The following CSGALNACT1 variants were observed in gnomAD, a reference collection of about 807,000 sequenced individuals.
The protein encoded by CSGALNACT1 is beta4GalNAcT-1.
A neutral mutation model predicts 51.0 loss-of-function variants in CSGALNACT1; 52 were observed. The observed-to-expected ratio is 1.02, with a 90% CI of 0.82 to 1.29. The LOEUF (loss-of-function observed/expected upper bound fraction) is 1.29. CSGALNACT1 is among the 50% of genes most tolerant of loss of function. The pLI, the probability that CSGALNACT1 is intolerant of heterozygous loss-of-function variation, is 0.00. For synonymous variants in CSGALNACT1, 341 were observed against 254.4 expected (o/e 1.34, Z -3.24); for missense variants, 935 against 679.2 (o/e 1.38, Z -4.19).
chr8:19,409,151 C>A (rs940651808), intron 8 of CSGALNACT1, among the ~76,000 whole-genome samples: 1 of 152,316 alleles, frequency 6.6e-6, no homozygotes, highest in South Asian at 2.1e-4. Context: ...TAGAGAACAA[C>A]TCAGAATTCA....
At chr8:19,575,546 T>C (rs979100430) in intron 3 of CSGALNACT1, among the ~76,000 whole-genome samples, 3 of 152,168 alleles carry the variant, frequency 2.0e-5, no homozygotes, top group African/African-American at 7.2e-5. Context: ...TGCTCCTCCA[T>C]CAAACAAACA....
intron 1 of CSGALNACT1, among the ~76,000 whole-genome samples, chr8:19,633,384 C>CGAAT (rs1442215880): frequency 4.6e-5 from 7 of 152,052 alleles, no homozygotes; most frequent in African/African-American, 1.7e-4. Context: ...AATTAAGGGC[C>CGAAT]GAATGGTGGT....
intron 1 of CSGALNACT1, among the ~76,000 whole-genome samples, chr8:19,747,168 C>T (rs1315397876): frequency 7.9e-5 from 12 of 151,970 alleles, no homozygotes; most frequent in African/African-American, 1.5e-4. Flanking sequence ...CATCTTGAGA[C>T]GACAGGGGAA....
In CSGALNACT1 at chr8:19,476,597, C is replaced by T. The variant is rs374358684; in HGVS notation, c.635-17955G>A. 9.2e-5 allele frequency among the ~76,000 whole-genome samples: 14 copies of T among 152,196 alleles called. No homozygotes were observed. In the East Asian group the frequency reaches 2.3e-3, roughly 25 times the overall value. On this transcript the variant is annotated intron_variant, in intron 4 of 9. Coordinates refer to ENST00000454498, the Ensembl canonical transcript of CSGALNACT1. ...ACGCCCAAATTCTTTGGCAATGTCCCCTCCTCTTGAATCACAGGGGCCTAT... is the reference window on the plus strand; with the variant it reads ...ACGCCCAAATTCTTTGGCAATGTCCTCTCCTCTTGAATCACAGGGGCCTAT...
At chr8:19,609,946 C>A (rs1308314002) in intron 1 of CSGALNACT1, among the ~76,000 whole-genome samples, 1 of 151,956 alleles carries the variant, frequency 6.6e-6, no homozygotes, top group African/African-American at 2.4e-5. Flanking sequence ...AGAGGCCGGG[C>A]ACGGTGGCTC....
rs185374111 is a variant in CSGALNACT1, at chr8:19,622,571, G to C, written c.-543-20706C>G. Among the ~76,000 whole-genome samples, 15 of 152,296 alleles carry C rather than the reference G, an allele frequency of 9.8e-5. No individual in the cohort carries two copies. The East Asian group carries it at 2.3e-3, about 23-fold the overall frequency. On this transcript the variant is annotated intron_variant, in intron 1 of 9. Transcript: ENST00000332246. ...TGTTACCTAGAAGTTATTCAGGATA[G>C]TAGCATATAAATTTGAAAGGGGTAT...
intron 4 of CSGALNACT1, among the ~76,000 whole-genome samples, chr8:19,486,306 T>C (rs1324489922): frequency 6.6e-6 from 1 of 152,156 alleles, no homozygotes; most frequent in Non-Finnish European, 1.5e-5. Flanking sequence ...GTAACTGTCA[T>C]GGCTGCCTAA....
exon 4 of CSGALNACT1, chr8:19,505,680 G>A (rs374867184): frequency 8.1e-6 from 13 of 1,613,994 alleles, no homozygotes; most frequent in African/African-American, 5.3e-5. Flanking sequence ...CTCCTTCCCC[G>A]TGGGGCTGTT....
At chr8:19,650,525 A>G (rs1260956425) in intron 1 of CSGALNACT1, among the ~76,000 whole-genome samples, 6 of 152,166 alleles carry the variant, frequency 3.9e-5, no homozygotes, top group Non-Finnish European at 1.5e-5. Context: ...ATGCAATCCA[A>G]TGGGCACCAA....
At chr8:19,656,377 A>T (rs1233708651) in intron 1 of CSGALNACT1, among the ~76,000 whole-genome samples, 1 of 152,162 alleles carries the variant, frequency 6.6e-6, no homozygotes, top group East Asian at 1.9e-4. Context: ...GAAAAACCTC[A>T]AGCCAAAAAA....
At chr8:19,520,369 A>G (rs532433296) in intron 3 of CSGALNACT1, among the ~76,000 whole-genome samples, 21 of 152,352 alleles carry the variant, frequency 1.4e-4, no homozygotes, top group African/African-American at 5.0e-4. Flanking sequence ...TTTTGGTAAA[A>G]GTAAGACCTA....
Position 19,679,428 on chromosome 8 carries a change from G to C in CSGALNACT1, c.-544+3045C>G, listed in dbSNP as rs1437032922. Among the ~76,000 whole-genome samples the C allele has an allele frequency of 3.9e-5, 6 of 152,066 alleles. No individual in the cohort carries two copies. In the South Asian group the frequency reaches 1.0e-3, roughly 26 times the overall value. On this transcript the variant is annotated intron_variant, in intron 1 of 9. Transcript: ENST00000332246. ...GCCATGATCATGCCACTGTACTCCA[G>C]CCTGGGCAACAGAGGGAGATCCTGC...
intron 1 of CSGALNACT1, among the ~76,000 whole-genome samples, chr8:19,649,947 C>T (rs950144972): frequency 6.7e-6 from 1 of 148,650 alleles, no homozygotes; most frequent in South Asian, 2.1e-4. Context: ...ACATATGAAA[C>T]CACATCTTCA....
chr8:19,653,163 A>C (rs545567200), intron 1 of CSGALNACT1, among the ~76,000 whole-genome samples: 75 of 152,226 alleles, frequency 4.9e-4, no homozygotes, highest in African/African-American at 1.8e-3. Flanking sequence ...CAGTTAACCC[A>C]ACCAGGAGAC....
At chr8:19,700,031 G>C (rs1273481003) in intron 1 of CSGALNACT1, among the ~76,000 whole-genome samples, 1 of 149,652 alleles carries the variant, frequency 6.7e-6, no homozygotes, top group African/African-American at 2.5e-5. Context: ...AGAATCACTT[G>C]AACCCAGGAG....
At chr8:19,436,291 G>A (rs1563381169) in intron 6 of CSGALNACT1, among the ~76,000 whole-genome samples, 1 of 152,108 alleles carries the variant, frequency 6.6e-6, no homozygotes, top group Non-Finnish European at 1.5e-5. Flanking sequence ...AACAACTATG[G>A]GTTTTAGGAG....
chr8:19,704,993 A>G (rs759492391), intron 1 of CSGALNACT1, among the ~76,000 whole-genome samples: 2 of 152,214 alleles, frequency 1.3e-5, no homozygotes, highest in African/African-American at 2.4e-5. Flanking sequence ...TACAAGATGA[A>G]TAAGTTCTGG....
intron 3 of CSGALNACT1, among the ~76,000 whole-genome samples, chr8:19,553,925 A>ACACACACC (rs1554697907): frequency 6.6e-6 from 1 of 151,514 alleles, no homozygotes; most frequent in African/African-American, 2.4e-5. Context: ...ACACACACAC[A>ACACACACC]CCCAGAATCA....
intron 6 of CSGALNACT1, among the ~76,000 whole-genome samples, chr8:19,423,380 C>T (rs1236119228): frequency 6.6e-6 from 1 of 152,196 alleles, no homozygotes; most frequent in African/African-American, 2.4e-5. Context: ...TGATTAACTG[C>T]TGAGTGAACG....
Sources: gnomAD v4.1 joint callset for allele counts (sites outside exome capture counted in the v4.1 genomes callset) on GRCh38, gnomAD v4.1.1 for gene constraint, MANE v1.5 for transcripts, NCBI Gene and HGNC (gene_info 2026-07-23, HGNC 2026-07-21) for gene names.